The following POP1 variants were observed in gnomAD, a reference collection of about 807,000 sequenced individuals.
POP1 encodes the protein ribonucleases P/MRP protein subunit POP1.
A neutral mutation model predicts 102.2 loss-of-function variants in POP1; 75 were observed. The observed-to-expected ratio is 0.73, with a 90% CI of 0.61 to 0.89. The LOEUF (loss-of-function observed/expected upper bound fraction) is 0.89. Among genes scored for constraint, POP1 ranks in the 40% least tolerant of loss-of-function variants. POP1 has a pLI of 0.00. For missense variants in POP1, 1,116 were observed against 1,267.4 expected (o/e 0.88, Z 1.81); for synonymous variants, 436 against 464.1 (o/e 0.94, Z 0.78).
At chr8:98,127,447 C>T (rs953340593) in intron 2 of POP1, 148 bp from the exon 3 acceptor site, 27 of 918,898 alleles carry the variant, frequency 2.9e-5, no homozygotes, top group Non-Finnish European at 4.1e-5. Flanking sequence ...CGTAAGATTC[C>T]TCTTTAAAAA....
intron 5 of POP1, among the ~76,000 whole-genome samples, chr8:98,132,732 A>G (rs920413225): frequency 6.6e-6 from 1 of 152,050 alleles, no homozygotes; most frequent in Admixed American, 6.6e-5. Flanking sequence ...TGTTCATGTA[A>G]GGAGTTAACT....
At chr8:98,145,839 A>G (rs1816829216) in intron 11 of POP1, among the ~76,000 whole-genome samples, 1 of 152,080 alleles carries the variant, frequency 6.6e-6, no homozygotes, top group African/African-American at 2.4e-5. Context: ...CTGGGAGGCG[A>G]AGGTTGCAGT....
intron 12 of POP1, 46 bp downstream of exon 12, chr8:98,146,729 T>A (rs547020155): frequency 7.6e-7 from 1 of 1,319,042 alleles, no homozygotes; most frequent in African/African-American, 1.4e-5. Flanking sequence ...GAATGACAGG[T>A]TAAATATATC....
chr8:98,123,903 C>T (rs936629243), intron 2 of POP1, among the ~76,000 whole-genome samples: 1 of 152,070 alleles, frequency 6.6e-6, no homozygotes, highest in South Asian at 2.1e-4. Context: ...ATACAGTAGA[C>T]CCTTATTATT....
At chr8:98,150,828 G>A (rs1381882215) in intron 14 of POP1, among the ~76,000 whole-genome samples, 189 bp downstream of exon 14, 1 of 152,106 alleles carries the variant, frequency 6.6e-6, no homozygotes, top group Admixed American at 6.5e-5. Context: ...TTTGGCTTTT[G>A]TAGGCCCATT....
At chr8:98,149,136 G>GTGGT (rs1438604590) in intron 13 of POP1, 130 bp downstream of exon 13, 1 of 886,354 alleles carries the variant, frequency 1.1e-6, no homozygotes, top group African/African-American at 1.7e-5. Context: ...TGCCCTTAGA[G>GTGGT]CTATAGTCCT....
chr8:98,146,218 A>T (rs1457788805), intron 11 of POP1, among the ~76,000 whole-genome samples: 1 of 152,188 alleles, frequency 6.6e-6, no homozygotes, highest in Admixed American at 6.5e-5. Context: ...GGTGTGCACC[A>T]CCATGCCTGC....
chr8:98,149,886 G>T (rs916950311), intron 13 of POP1, among the ~76,000 whole-genome samples: 1 of 152,128 alleles, frequency 6.6e-6, no homozygotes, highest in Non-Finnish European at 1.5e-5. Context: ...CATGCCTAGT[G>T]CAAGGGACAT....
Position 98,127,731 on chromosome 8 carries a change from C to A in POP1, c.279C>A (p.Gly93=), listed in dbSNP as rs1207294467. 1 of 1,614,076 alleles carries A rather than the reference C, an allele frequency of 6.2e-7. No homozygotes were observed. The highest frequency in any genetic ancestry group is 1.1e-5 in the South Asian group (1 of 91,078). ...KKGGWKAGPE[G]TSQEIPKYIT... ...GAGGATGGAAAGCAGGTCCCGAGGG[C>A]ACGTCTCAGGAGATCCCCAAGTATA... The change falls in exon 3 of 16, where the codon GGC becomes GGA. Residue 93 remains glycine (G), a synonymous_variant. Transcript: ENST00000401707.
chr8:98,150,652 CT>C lies in POP1; in HGVS notation c.2057+15del. On this transcript the variant is annotated intron_variant, in intron 14 of 15. Transcript: ENST00000401707. Reference sequence around the variant, plus strand: ...AAAAGTACAAAAGGTAAGAAACTGGCTTCTCTAATTTGATAATGTATTAAGG... The same window carrying C: ...AAAAGTACAAAAGGTAAGAAACTGGCTCTCTAATTTGATAATGTATTAAGG... 1 of 1,613,086 alleles carries C rather than the reference CT, an allele frequency of 6.2e-7. No homozygotes were observed. The highest frequency in any genetic ancestry group is 8.5e-7 in the Non-Finnish European group (1 of 1,179,284).
chr8:98,143,508 AAC>A (rs1270497535), intron 11 of POP1, among the ~76,000 whole-genome samples: 1 of 152,112 alleles, frequency 6.6e-6, no homozygotes, highest in Non-Finnish European at 1.5e-5. Flanking sequence ...AACCGACATT[AAC>A]ACATCATTAT....
chr8:98,146,966 G>A (rs1563782196), intron 12 of POP1, among the ~76,000 whole-genome samples: 1 of 152,142 alleles, frequency 6.6e-6, no homozygotes, highest in African/African-American at 2.4e-5. Context: ...ATTTTTTTCT[G>A]TTCTTAGAGA....
intron 2 of POP1, among the ~76,000 whole-genome samples, chr8:98,125,874 C>G (rs1019641716): frequency 1.3e-5 from 2 of 151,958 alleles, no homozygotes; most frequent in African/African-American, 4.8e-5. Context: ...AAGACAGGAT[C>G]CCACTCTGTC....
At chr8:98,155,768 C>T (rs1033515764) in intron 14 of POP1, among the ~76,000 whole-genome samples, 1 of 146,264 alleles carries the variant, frequency 6.8e-6, no homozygotes, top group African/African-American at 2.5e-5. Flanking sequence ...TTTAGTAGAG[C>T]TTTCACCATG....
chr8:98,134,157 T>A (rs1035481461), intron 6 of POP1, 121 bp downstream of exon 6: 13 of 778,026 alleles, frequency 1.7e-5, no homozygotes, highest in Non-Finnish European at 2.4e-5. Flanking sequence ...GAGACACTAA[T>A]CATTCCCAAT....
chr8:98,140,968 A>T (rs1398951149), intron 11 of POP1, 80 bp downstream of exon 11: 2 of 1,517,266 alleles, frequency 1.3e-6, no homozygotes, highest in African/African-American at 2.8e-5. Context: ...TCTTTCTCTG[A>T]CACCTCTCCA....
chr8:98,150,589 G>A lies in POP1; in HGVS notation c.2007G>A (p.Gly669=). The change falls in exon 14 of 16, where the codon GGG becomes GGA. Residue 669 remains glycine, a synonymous_variant. Coordinates refer to ENST00000401707, the MANE Select transcript of POP1 (RefSeq NM_001145860.2). ...VPGDFPDCPA[G]MLFAEEQAKN... ...GCGATTTTCCAGACTGCCCTGCCGG[G>A]ATGCTGTTTGCGGAAGAGCAAGCTA... 2 of 1,614,218 alleles carry A rather than the reference G, an allele frequency of 1.2e-6. No individual in the cohort carries two copies. Among genetic ancestry groups the A allele is most frequent in the Non-Finnish European group, 1.7e-6 (2 of 1,180,040 alleles).
intron 3 of POP1, among the ~76,000 whole-genome samples, chr8:98,128,134 T>C (rs564503642): frequency 3.3e-5 from 5 of 152,312 alleles, no homozygotes; most frequent in African/African-American, 1.2e-4. Flanking sequence ...AAAGGGCCTG[T>C]CTCCAGGCCC....
In POP1 at chr8:98,150,655, C is replaced by T. The variant is rs1462196328; in HGVS notation, c.2057+16C>T. The T allele has an allele frequency of 6.2e-7, 1 of 1,612,810 alleles. No individual in the cohort carries two copies. Among genetic ancestry groups the T allele is most frequent in the Admixed American group, 1.7e-5 (1 of 60,020 alleles). Reference sequence around the variant, plus strand: ...AGTACAAAAGGTAAGAAACTGGCTTCTCTAATTTGATAATGTATTAAGGAA... The same window carrying T: ...AGTACAAAAGGTAAGAAACTGGCTTTTCTAATTTGATAATGTATTAAGGAA... On this transcript the variant is annotated intron_variant, in intron 14 of 15. Transcript: ENST00000401707.
Sources: allele counts gnomAD v4.1 joint callset (sites outside exome capture counted in the v4.1 genomes callset), GRCh38; gene constraint gnomAD v4.1.1; transcripts MANE v1.5; gene names NCBI Gene and HGNC (gene_info 2026-07-23, HGNC 2026-07-21).